Variants in ROBO1 observed in about 807,000 individuals in gnomAD.
ROBO1 encodes roundabout guidance receptor 1.
Under a neutral mutation model 195.9 loss-of-function variants are expected in ROBO1, and 149 were observed. That is an observed-to-expected ratio of 0.76 (90% CI 0.67 to 0.87). ROBO1 has a LOEUF of 0.87. Ranked by LOEUF, ROBO1 falls within the 40% of genes least tolerant of loss-of-function variation. ROBO1 has a pLI of 0.00. For missense variants in ROBO1, 1,933 were observed against 2,068.3 expected (o/e 0.93, Z 1.27); for synonymous variants, 816 against 733.2 (o/e 1.11, Z -1.82).
chr3:78,989,930 G>C (rs1489216623), intron 3 of ROBO1, among the ~76,000 whole-genome samples: 1 of 151,854 alleles, frequency 6.6e-6, no homozygotes, highest in Non-Finnish European at 1.5e-5. Flanking sequence ...TTGAGTGGAA[G>C]CCTAAAAAAG....
intron 3 of ROBO1, among the ~76,000 whole-genome samples, chr3:78,974,085 A>C (rs1259838955): frequency 6.6e-6 from 1 of 152,188 alleles, no homozygotes; most frequent in Non-Finnish European, 1.5e-5. Context: ...TCAAAAAAAA[A>C]CATCATTAGC....
At chr3:78,843,132 T>C (rs1429521157) in intron 4 of ROBO1, among the ~76,000 whole-genome samples, 1 of 152,108 alleles carries the variant, frequency 6.6e-6, no homozygotes, top group African/African-American at 2.4e-5. Context: ...GGAAGAATTT[T>C]TTTAAAACTA....
At chr3:79,335,620 T>A (rs2034634084) in intron 2 of ROBO1, among the ~76,000 whole-genome samples, 1 of 152,122 alleles carries the variant, frequency 6.6e-6, no homozygotes, top group South Asian at 2.1e-4. Context: ...TGGAACTGAG[T>A]CAATTAAACC....
chr3:78,711,053 A>C (rs2081673516), intron 8 of ROBO1, among the ~76,000 whole-genome samples: 3 of 152,202 alleles, frequency 2.0e-5, no homozygotes. Flanking sequence ...AATACATTTC[A>C]TTGTATATAT....
intron 2 of ROBO1, among the ~76,000 whole-genome samples, chr3:79,307,572 G>A (rs1407246843): frequency 6.6e-6 from 1 of 151,800 alleles, no homozygotes; most frequent in Non-Finnish European, 1.5e-5. Flanking sequence ...AATTATTTTT[G>A]TGAGATGAAA....
chr3:79,379,526 G>T (rs1476484642), intron 2 of ROBO1, among the ~76,000 whole-genome samples: 1 of 152,152 alleles, frequency 6.6e-6, no homozygotes, highest in Admixed American at 6.5e-5. Context: ...CAAACCTAAA[G>T]ATACTTCAAT....
At chr3:79,264,869 G>T (rs1300186743) in intron 2 of ROBO1, among the ~76,000 whole-genome samples, 1 of 151,994 alleles carries the variant, frequency 6.6e-6, no homozygotes, top group Non-Finnish European at 1.5e-5. Context: ...AATCTCAGTT[G>T]TATTATAAGA....
At chr3:78,896,686 GT>G (rs1289876948) in intron 4 of ROBO1, among the ~76,000 whole-genome samples, 6 of 135,866 alleles carry the variant, frequency 4.4e-5, no homozygotes, top group Non-Finnish European at 9.3e-5. Context: ...AAAAAGAAGA[GT>G]TATTTTAAGA....
chr3:79,357,471 C>G (rs1182692180), intron 2 of ROBO1, among the ~76,000 whole-genome samples: 1 of 152,066 alleles, frequency 6.6e-6, no homozygotes, highest in African/African-American at 2.4e-5. Flanking sequence ...GGGGTAATTA[C>G]AAGGAGGTCA....
chr3:79,016,860 GCAGAGA>G (rs774424712), intron 3 of ROBO1, among the ~76,000 whole-genome samples: 12 of 152,146 alleles, frequency 7.9e-5, no homozygotes, highest in South Asian at 2.1e-4. Flanking sequence ...ATTAAACTAG[GCAGAGA>G]CACAGCCAAG....
intron 2 of ROBO1, among the ~76,000 whole-genome samples, chr3:79,574,510 TATC>T (rs1464531482): frequency 2.0e-5 from 3 of 151,978 alleles, no homozygotes; most frequent in African/African-American, 7.2e-5. Context: ...ACATAACTAA[TATC>T]ATCATAAAAT....
intron 4 of ROBO1, among the ~76,000 whole-genome samples, chr3:78,798,407 G>A (rs58792018): frequency 0.3 from 45,491 of 151,998 alleles, 7,265 homozygotes; most frequent in African/African-American, 0.4. Context: ...GATGCTATCA[G>A]AATTTTTGAG....
At chr3:79,255,111 G>A (rs984619653) in intron 2 of ROBO1, among the ~76,000 whole-genome samples, 4 of 152,066 alleles carry the variant, frequency 2.6e-5, no homozygotes, top group Admixed American at 6.6e-5. Context: ...CAGCCTACTC[G>A]GATTTATGCG....
chr3:79,256,301 T>C (rs937327445), intron 2 of ROBO1, among the ~76,000 whole-genome samples: 4 of 152,182 alleles, frequency 2.6e-5, no homozygotes, highest in African/African-American at 9.6e-5. Flanking sequence ...TGTAGACACA[T>C]GGTACATGTG....
At chr3:79,325,419 A>T (rs1356483100) in intron 2 of ROBO1, among the ~76,000 whole-genome samples, 3 of 152,202 alleles carry the variant, frequency 2.0e-5, no homozygotes, top group Admixed American at 6.5e-5. Context: ...GAAATCCTGA[A>T]AATGTATCAA....
intron 2 of ROBO1, among the ~76,000 whole-genome samples, chr3:79,457,358 T>G (rs550010418): frequency 6.6e-6 from 1 of 152,112 alleles, no homozygotes; most frequent in African/African-American, 2.4e-5. Flanking sequence ...TGAGGGGTAC[T>G]CTAAGATAAG....
chr3:79,462,229 G>C (rs1183112348), intron 2 of ROBO1, among the ~76,000 whole-genome samples: 1 of 152,100 alleles, frequency 6.6e-6, no homozygotes, highest in African/African-American at 2.4e-5. Context: ...CTGTCCTACT[G>C]TGTTGGTTAA....
At chr3:78,862,738 T>C (rs1408705139) in intron 4 of ROBO1, among the ~76,000 whole-genome samples, 1 of 152,196 alleles carries the variant, frequency 6.6e-6, no homozygotes, top group Non-Finnish European at 1.5e-5. Context: ...CTTAGTTTTT[T>C]TCTACCCTGA....
intron 3 of ROBO1, among the ~76,000 whole-genome samples, chr3:79,100,942 T>G (rs1297919699): frequency 6.6e-6 from 1 of 151,828 alleles, no homozygotes; most frequent in East Asian, 1.9e-4. Context: ...TTTTGAAAGC[T>G]GGTTGGCTAA....
Sources: gnomAD v4.1 joint callset for allele counts (sites outside exome capture counted in the v4.1 genomes callset) on GRCh38, gnomAD v4.1.1 for gene constraint, MANE v1.5 for transcripts, NCBI Gene and HGNC (gene_info 2026-07-23, HGNC 2026-07-21) for gene names.